GUCD1: variants seen among roughly 807,000 people sequenced by gnomAD.
GUCD1 encodes the protein protein GUCD1.
A neutral mutation model predicts 28.3 loss-of-function variants in GUCD1; 17 were observed. The observed-to-expected ratio is 0.60, with a 90% CI of 0.41 to 0.90. GUCD1 has a LOEUF of 0.90. GUCD1 is among the 40% of genes least tolerant of loss of function. The pLI is 0.00. For synonymous variants in GUCD1, 129 were observed against 123.3 expected (o/e 1.05, Z -0.30); for missense variants, 279 against 305.5 (o/e 0.91, Z 0.65).
rs1394952363 is a variant in GUCD1 at position 24,546,910 on chromosome 22, T to C, written c.386+4A>G. On this transcript the variant is annotated splice_donor_region_variant and intron_variant, in intron 4 of 5. Transcript: ENST00000435822. Reference sequence around the variant, plus strand: ...AGGGCAGGTAGGAAAGTTGGGGGGCTCACCATTTCTCCACCAGCACCTTGC... The same window carrying C: ...AGGGCAGGTAGGAAAGTTGGGGGGCCCACCATTTCTCCACCAGCACCTTGC... 6.2e-7 allele frequency: 1 copy of C among 1,612,874 alleles called. No homozygotes were observed. The highest frequency in any genetic ancestry group is 2.2e-5 in the East Asian group (1 of 44,874).
At chr22:24,555,278 A>G, upstream of GUCD1, 1 of 1,350,052 alleles carries the variant, frequency 7.4e-7, no homozygotes, top group Non-Finnish European at 9.5e-7. Context: ...TCGCCGCCTC[A>G]GCGTTGAGTG....
At chr22:24,550,998 G>T (rs1021627100) in intron 1 of GUCD1, among the ~76,000 whole-genome samples, 3 of 152,182 alleles carry the variant, frequency 2.0e-5, no homozygotes, top group Admixed American at 6.5e-5. Context: ...TCCATGTGCA[G>T]CAGGGCCCAT....
intron 4 of GUCD1, among the ~76,000 whole-genome samples, chr22:24,544,906 G>C (rs1341328962): frequency 6.6e-6 from 1 of 152,118 alleles, no homozygotes; most frequent in Non-Finnish European, 1.5e-5. Flanking sequence ...TGTGGTTCCA[G>C]CTACTCGGGA....
chr22:24,555,808 G>C (rs1000070163), upstream of GUCD1: 33 of 1,547,606 alleles, frequency 2.1e-5, no homozygotes, highest in South Asian at 4.8e-5. Context: ...CGTTGCGGCG[G>C]CCCCCGGGCC....
chr22:24,555,858 C>T, upstream of GUCD1: 1 of 1,533,012 alleles, frequency 6.5e-7, no homozygotes, highest in Non-Finnish European at 8.8e-7. Flanking sequence ...AACTATCGTA[C>T]TGGTGCCCTA....
intron 1 of GUCD1, among the ~76,000 whole-genome samples, chr22:24,550,542 C>T (rs777868412): frequency 2.6e-5 from 4 of 152,226 alleles, no homozygotes; most frequent in Non-Finnish European, 4.4e-5. Flanking sequence ...TCATTCAGCA[C>T]GTGAAAACCT....
intron 3 of GUCD1, 146 bp from the exon 4 acceptor site, chr22:24,547,151 C>CA: frequency 3.1e-6 from 2 of 641,462 alleles, no homozygotes; most frequent in Non-Finnish European, 5.7e-6. Context: ...GTACATGCAG[C>CA]AAGCCAGATC....
At chr22:24,547,733 A>C (rs2044763859) in intron 3 of GUCD1, 175 bp downstream of exon 3, 3 of 642,592 alleles carry the variant, frequency 4.7e-6, no homozygotes, top group Non-Finnish European at 8.0e-6. Context: ...ACCTGCTCTG[A>C]CTGGCTCCCA....
intron 5 of GUCD1, 91 bp downstream of exon 5, chr22:24,543,751 A>T: frequency 1.3e-6 from 2 of 1,506,910 alleles, no homozygotes; most frequent in Non-Finnish European, 9.1e-7. Context: ...CCCTGGCCAC[A>T]CTAGATTGAA....
chr22:24,555,152 C>G, upstream of GUCD1: 2 of 1,308,222 alleles, frequency 1.5e-6, no homozygotes, highest in South Asian at 2.2e-5. Context: ...CCGCCCCAAG[C>G]GCCGCCCCAG....
chr22:24,544,208 T>C (rs2044668326), intron 4 of GUCD1, 125 bp from the exon 5 acceptor site: 3 of 1,332,358 alleles, frequency 2.3e-6, no homozygotes, highest in African/African-American at 1.4e-5. Flanking sequence ...CCCTTTGCCC[T>C]GAACTCCCTG....
intron 1 of GUCD1, among the ~76,000 whole-genome samples, chr22:24,550,197 T>G (rs1300622528): frequency 6.6e-6 from 1 of 152,202 alleles, no homozygotes; most frequent in Non-Finnish European, 1.5e-5. Context: ...CAGGGGGACT[T>G]TGGTCTGATT....
intron 4 of GUCD1, among the ~76,000 whole-genome samples, chr22:24,546,446 G>C (rs1000680578): frequency 6.6e-6 from 1 of 152,188 alleles, no homozygotes; most frequent in African/African-American, 2.4e-5. Context: ...ACTGCACCCA[G>C]AGTCTTCCTG....
rs935061361 is a variant in GUCD1, at chr22:24,540,453, A to G, written c.*2553T>C. ...GCTACCACCATTTTGCAGTGAGAAT[A>G]ATGTTTATTGAGAATGGCTCATTAC... On this transcript the variant is annotated 3_prime_UTR_variant, in exon 6 of 6. Coordinates refer to ENST00000435822, the MANE Select transcript of GUCD1 (RefSeq NM_001284254.2). The G allele has an allele frequency of 2.0e-5, 3 of 152,272 alleles. No individual in the cohort carries two copies. Among genetic ancestry groups the G allele is most frequent in the Non-Finnish European group, 2.9e-5 (2 of 68,056 alleles). 9.4% of individuals were successfully genotyped at this position (152,272 alleles called of 1,614,324 possible).
At chr22:24,544,141 A>G in intron 4 of GUCD1, 58 bp from the exon 5 acceptor site, 1 of 1,576,372 alleles carries the variant, frequency 6.3e-7, no homozygotes, top group Non-Finnish European at 8.6e-7. Flanking sequence ...CATCCCTCAA[A>G]TGGATCCCTG....
chr22:24,554,842 G>A, intron 1 of GUCD1, 107 bp downstream of exon 1: 1 of 802,914 alleles, frequency 1.2e-6, no homozygotes, highest in Non-Finnish European at 2.0e-6. Context: ...GGGTGTGGGG[G>A]CGAGGCGGGA....
At chr22:24,544,326 C>G (rs761782880) in intron 4 of GUCD1, among the ~76,000 whole-genome samples, 4 of 151,966 alleles carry the variant, frequency 2.6e-5, no homozygotes, top group Non-Finnish European at 4.4e-5. Context: ...CTGTCAGGCC[C>G]TTCACGGGGA....
chr22:24,543,801 A>G, intron 5 of GUCD1, 41 bp downstream of exon 5: 6 of 1,604,098 alleles, frequency 3.7e-6, no homozygotes, highest in Non-Finnish European at 5.1e-6. Flanking sequence ...AGAACAGTGA[A>G]TGTGGACCAC....
At position 24,542,990 on chromosome 22, in the gene GUCD1, C is replaced by T. The variant is rs377004600; in HGVS notation, c.*16G>A. The T allele has an allele frequency of 3.1e-6, 5 of 1,595,380 alleles. No individual in the cohort carries two copies. The African/African-American group carries it at 6.7e-5, about 21-fold the overall frequency. Reference sequence around the variant, plus strand: ...GGGATGGGGTCCGAGGGCCTAGGCGCACCAGGCTCCTGCTGTCAGCTGTCC... The same window carrying T: ...GGGATGGGGTCCGAGGGCCTAGGCGTACCAGGCTCCTGCTGTCAGCTGTCC... On this transcript the variant is annotated 3_prime_UTR_variant, in exon 6 of 6. Transcript: ENST00000435822.
Sources: allele counts gnomAD v4.1 joint callset (sites outside exome capture counted in the v4.1 genomes callset), GRCh38; gene constraint gnomAD v4.1.1; transcripts MANE v1.5; gene names NCBI Gene and HGNC (gene_info 2026-07-23, HGNC 2026-07-21).